Variants in DIAPH3 observed in about 807,000 individuals in gnomAD.
DIAPH3 encodes diaphanous related formin 3.
DIAPH3 carries 117 observed loss-of-function variants against 144.3 expected under a neutral mutation model. That is an observed-to-expected ratio of 0.81 (90% confidence interval 0.70 to 0.95). The LOEUF (loss-of-function observed/expected upper bound fraction) is 0.95. DIAPH3 is among the 40% of genes least tolerant of loss of function. The pLI is 0.00. For synonymous variants in DIAPH3, 519 were observed against 488.9 expected (o/e 1.06, Z -0.81); for missense variants, 1,421 against 1,412.7 (o/e 1.01, Z -0.09).
At chr13:59,983,990 T>G in intron 12 of DIAPH3, 103 bp from the exon 13 acceptor site, 1 of 753,642 alleles carries the variant, frequency 1.3e-6, no homozygotes, top group Non-Finnish European at 2.3e-6. Context: ...AACAATTTAT[T>G]AGTAATATAA....
intron 4 of DIAPH3, among the ~76,000 whole-genome samples, chr13:60,064,745 A>T (rs1287270917): frequency 6.6e-6 from 1 of 152,148 alleles, no homozygotes; most frequent in African/African-American, 2.4e-5. Context: ...TTTCCTTTGC[A>T]TTCACAACTT....
intron 17 of DIAPH3, among the ~76,000 whole-genome samples, chr13:59,968,255 A>G (rs985774384): frequency 6.6e-6 from 1 of 152,212 alleles, no homozygotes; most frequent in Non-Finnish European, 1.5e-5. Context: ...ATTAATTAAG[A>G]AAGTAATCAG....
At chr13:59,884,864 T>G (rs759377740) in intron 20 of DIAPH3, among the ~76,000 whole-genome samples, 2 of 151,506 alleles carry the variant, frequency 1.3e-5, no homozygotes, top group Non-Finnish European at 2.9e-5. Flanking sequence ...ATAAATGTAC[T>G]CTTACGATAT....
At chr13:59,667,339 G>A (rs1380259451) in intron 27 of DIAPH3, among the ~76,000 whole-genome samples, 1 of 152,182 alleles carries the variant, frequency 6.6e-6, no homozygotes, top group African/African-American at 2.4e-5. Context: ...AGACAGTAGG[G>A]ACATTATTTT....
intron 3 of DIAPH3, among the ~76,000 whole-genome samples, chr13:60,104,989 G>A (rs11840314): frequency 0.045 from 6,807 of 151,074 alleles, 200 homozygotes; most frequent in East Asian, 0.1. Flanking sequence ...CCAGCTACTC[G>A]GGAGGCTGAG....
At chr13:59,692,774 G>A (rs535434060) in intron 27 of DIAPH3, among the ~76,000 whole-genome samples, 25 of 152,160 alleles carry the variant, frequency 1.6e-4, no homozygotes, top group South Asian at 1.5e-3. Flanking sequence ...CCAAACAGCC[G>A]CTCCTTGTTT....
At chr13:59,905,233 C>T (rs534418996) in intron 20 of DIAPH3, among the ~76,000 whole-genome samples, 1 of 149,746 alleles carries the variant, frequency 6.7e-6, no homozygotes, top group South Asian at 2.1e-4. Context: ...GTCCCAGCTA[C>T]TCGGGAGGCT....
intron 4 of DIAPH3, chr13:60,044,078 T>C (rs1054537050): frequency 1.3e-5 from 2 of 152,164 alleles, no homozygotes; most frequent in African/African-American, 4.8e-5. Context: ...ACTTGGACTT[T>C]TACTCTGAGA....
At chr13:60,071,032 C>A (rs2057187048) in intron 4 of DIAPH3, among the ~76,000 whole-genome samples, 1 of 152,124 alleles carries the variant, frequency 6.6e-6, no homozygotes, top group Admixed American at 6.5e-5. Flanking sequence ...GTTTCTTTTT[C>A]TTAAACATGC....
intron 25 of DIAPH3, among the ~76,000 whole-genome samples, chr13:59,779,804 G>A (rs920691518): frequency 2.0e-5 from 3 of 152,128 alleles, no homozygotes; most frequent in Admixed American, 2.0e-4. Flanking sequence ...GAGAGTCACC[G>A]CGCACGGCCG....
intron 18 of DIAPH3, among the ~76,000 whole-genome samples, chr13:59,916,617 A>T (rs1314052713): frequency 1.3e-5 from 2 of 152,162 alleles, no homozygotes; most frequent in African/African-American, 4.8e-5. Flanking sequence ...AAACCACAGT[A>T]TGTGCATGTA....
At chr13:59,984,062 T>C (rs1200924521) in intron 12 of DIAPH3, among the ~76,000 whole-genome samples, 175 bp from the exon 13 acceptor site, 1 of 151,750 alleles carries the variant, frequency 6.6e-6, no homozygotes, top group East Asian at 1.9e-4. Context: ...TGTCATCACT[T>C]TGCTTTTAAT....
At chr13:59,873,086 C>A (rs1349005670) in intron 21 of DIAPH3, among the ~76,000 whole-genome samples, 1 of 152,110 alleles carries the variant, frequency 6.6e-6, no homozygotes, top group African/African-American at 2.4e-5. Flanking sequence ...ATGAATGAGT[C>A]AAAGGGGGTT....
chr13:59,710,679 G>A (rs1251564384), intron 27 of DIAPH3, among the ~76,000 whole-genome samples: 1 of 152,230 alleles, frequency 6.6e-6, no homozygotes, highest in Non-Finnish European at 1.5e-5. Flanking sequence ...TAACATTGTT[G>A]TGATTAAGTG....
At chr13:59,855,251 A>G (rs903736566) in intron 22 of DIAPH3, among the ~76,000 whole-genome samples, 2 of 152,154 alleles carry the variant, frequency 1.3e-5, no homozygotes, top group Admixed American at 1.3e-4. Flanking sequence ...GTCTCTTACC[A>G]CTATACCACA....
chr13:59,820,879 G>A (rs943522461), intron 24 of DIAPH3, among the ~76,000 whole-genome samples: 24 of 150,692 alleles, frequency 1.6e-4, no homozygotes, highest in Non-Finnish European at 2.1e-4. Context: ...CTTTTTGATC[G>A]TACTTCATCT....
intron 13 of DIAPH3, among the ~76,000 whole-genome samples, chr13:59,982,339 A>G (rs1390612080): frequency 6.6e-6 from 1 of 151,382 alleles, no homozygotes; most frequent in Non-Finnish European, 1.5e-5. Context: ...TTTTTCAGAT[A>G]CTATTCAAAA....
Position 59,666,699 on chromosome 13 carries a change from T to A in DIAPH3, c.3467A>T (p.Glu1156Val). The A allele has an allele frequency of 1.9e-6, 3 of 1,614,172 alleles. No homozygotes were observed. The highest frequency in any genetic ancestry group is 2.5e-6 in the Non-Finnish European group (3 of 1,180,016). The change falls in exon 28 of 28, where the codon GAA becomes GTA. Residue 1156 changes from glutamate to valine, a missense_variant. Physicochemically the swap from Glu to Val is moderately radical, Grantham distance 121. Coordinates refer to ENST00000400324, the MANE Select transcript of DIAPH3 (RefSeq NM_001042517.2). ...TGRIKAAEKK[E>V]ACNVESNRKK... ...TCTGTTGCTTTCTACATTACACGCT[T>A]CCTTCTTCTCAGCTGCCTTGATCCT...
At chr13:59,862,077 T>C (rs1227369270) in intron 21 of DIAPH3, among the ~76,000 whole-genome samples, 1 of 152,090 alleles carries the variant, frequency 6.6e-6, no homozygotes, top group Non-Finnish European at 1.5e-5. Context: ...CAGGAAGTTG[T>C]ATGGGCTTAG....
Sources: gnomAD v4.1 joint callset for allele counts (sites outside exome capture counted in the v4.1 genomes callset) on GRCh38, gnomAD v4.1.1 for gene constraint, MANE v1.5 for transcripts, NCBI Gene and HGNC (gene_info 2026-07-23, HGNC 2026-07-21) for gene names.